TLR2: variants seen among roughly 807,000 people sequenced by gnomAD.
The protein encoded by TLR2 is toll like receptor 2.
TLR2 carries 7 observed loss-of-function variants against 9.1 expected under a neutral mutation model. That is an observed-to-expected ratio of 0.77 (90% CI 0.44 to 1.44). The LOEUF is 1.44. Among genes scored for constraint, TLR2 ranks in the 40% most tolerant of loss-of-function variants. TLR2 has a pLI of 0.01. For synonymous variants in TLR2, 317 were observed against 344.6 expected (o/e 0.92, Z 0.89); for missense variants, 812 against 904.6 (o/e 0.90, Z 1.31).
chr4:153,690,008 AAGGTTTC>A (rs1272806342), intron 2 of TLR2, among the ~76,000 whole-genome samples: 14 of 152,346 alleles, frequency 9.2e-5, no homozygotes, highest in Admixed American at 2.6e-4. Context: ...GGCTCATGAT[AAGGTTTC>A]AGGTGTCTTG....
chr4:153,701,226 G>C (rs1315766454), intron 2 of TLR2, among the ~76,000 whole-genome samples: 2 of 152,150 alleles, frequency 1.3e-5, no homozygotes, highest in Non-Finnish European at 2.9e-5. Flanking sequence ...TAAGAGGTGT[G>C]ACCTGTGGGA....
chr4:153,707,278 AT>A (rs1354050700), downstream of TLR2, among the ~76,000 whole-genome samples: 4 of 152,106 alleles, frequency 2.6e-5, no homozygotes, highest in African/African-American at 9.7e-5. Context: ...CTTAAAAAAA[AT>A]CAGGCTTGGT....
rs372207135 is a variant in TLR2 at position 153,684,809 on chromosome 4, C to T, written c.-163+449C>T. 1.6e-4 allele frequency among the ~76,000 whole-genome samples: 24 copies of T among 150,766 alleles called. No homozygotes were observed. The East Asian group carries it at 4.5e-3, about 28-fold the overall frequency. On this transcript the variant is annotated intron_variant, in intron 1 of 2. Coordinates refer to ENST00000642700, the MANE Select transcript of TLR2 (RefSeq NM_001318789.2). ...CTGGCCGCCACCTCCCTCGGGAGGC[C>T]GAGGGGGGCGGTGGCCCCGGCCCGG... is the stretch of plus-strand genomic sequence containing the variant.
intron 2 of TLR2, among the ~76,000 whole-genome samples, chr4:153,689,519 T>C (rs1156954815): frequency 6.6e-6 from 1 of 152,248 alleles, no homozygotes; most frequent in Non-Finnish European, 1.5e-5. Context: ...TGCAATGCAA[T>C]CTTCCCAAAC....
chr4:153,687,374 T>A (rs1323822185), intron 1 of TLR2, among the ~76,000 whole-genome samples: 1 of 152,162 alleles, frequency 6.6e-6, no homozygotes, highest in East Asian at 1.9e-4. Context: ...AGTCAGAAGT[T>A]GATTTTTTGA....
At chr4:153,691,415 T>A (rs1736106498) in intron 2 of TLR2, among the ~76,000 whole-genome samples, 2 of 152,208 alleles carry the variant, frequency 1.3e-5, no homozygotes, top group African/African-American at 4.8e-5. Flanking sequence ...CCATTTCTTA[T>A]CATCGTAGCC....
intron 2 of TLR2, among the ~76,000 whole-genome samples, chr4:153,693,307 C>T (rs1037294733): frequency 6.6e-6 from 1 of 152,182 alleles, no homozygotes; most frequent in African/African-American, 2.4e-5. Context: ...AAAAGGAGAA[C>T]CTGTTCCATA....
Position 153,694,201 on chromosome 4 carries a change from C to T in TLR2, c.-17+6154C>T, listed in dbSNP as rs190773356. Among the ~76,000 whole-genome samples, 96 of 152,346 alleles carry T rather than the reference C, an allele frequency of 6.3e-4. No homozygotes were observed. The Middle Eastern group carries it at 0.01, about 16-fold the overall frequency. On this transcript the variant is annotated intron_variant, in intron 2 of 2. Transcript: ENST00000642700. ...TGGCTAGATATCTGCAGCAGGAACA[C>T]GTCCTTAAGGCACAGATCGCTCATG...
chr4:153,692,428 G>A (rs912239296), intron 2 of TLR2, among the ~76,000 whole-genome samples: 7 of 152,142 alleles, frequency 4.6e-5, no homozygotes, highest in Admixed American at 3.9e-4. Flanking sequence ...AAAGCCTCCA[G>A]TTTCTCTTTA....
In TLR2 at chr4:153,702,557, C is replaced by T. The variant is rs74930520; in HGVS notation, c.-16-335C>T. Reference sequence around the variant, plus strand: ...TAAGCTTAGCCCATTTCTTAAAAGGCTTGATTGCTCATTCCTCCATTCATT... The same window carrying T: ...TAAGCTTAGCCCATTTCTTAAAAGGTTTGATTGCTCATTCCTCCATTCATT... On this transcript the variant is annotated intron_variant, in intron 2 of 2. Transcript: ENST00000642700. 3.9e-3 allele frequency: 813 copies of T among 208,848 alleles called. 8 individuals are homozygous for T. The highest frequency in any genetic ancestry group is 0.018 in the African/African-American group (777 of 43,634). 12.9% of individuals were successfully genotyped at this position (208,848 alleles called of 1,614,324 possible).
downstream of TLR2, chr4:153,710,311 T>G (rs1029104439): frequency 5.1e-5 from 70 of 1,359,546 alleles, no homozygotes; most frequent in Middle Eastern, 3.7e-4. Context: ...AAAATTAATA[T>G]TAAATGTTGG....
rs867024389 is a variant in TLR2 at position 153,705,221 on chromosome 4, G to A, written c.2314G>A (p.Glu772Lys). Residue 772 changes from glutamate (E) to lysine (K), a missense_variant, in exon 3 of 3, where the codon GAA (glutamate) becomes AAA (lysine). Transcript: ENST00000642700. ...GTGGCCCATGGACGAGGCTCAGCGG[G>A]AAGGATTTTGGGTAAATCTGAGAGC... ...LEWPMDEAQREGFWVNLRAAI... is the reference protein window; with the variant it reads ...LEWPMDEAQRKGFWVNLRAAI... 6.2e-7 allele frequency: 1 copy of A among 1,602,706 alleles called. No homozygotes were observed. Among genetic ancestry groups the A allele is most frequent in the Non-Finnish European group, 8.5e-7 (1 of 1,173,100 alleles).
Position 153,703,179 on chromosome 4 carries a change from T to C in TLR2, c.272T>C (p.Ile91Thr), listed in dbSNP as rs1211448447. The change falls in exon 3 of 3, where the codon ATA becomes ACA. Residue 91 changes from isoleucine (I) to threonine (T), a missense_variant. By Grantham distance (89) the Ile-to-Thr change is moderately conservative. Transcript: ENST00000642700. ...CTGACATCCAATGGAATTAACACAA[T>C]AGAGGAAGATTCTTTTTCTTCCCTG... ...LVLTSNGINT[I>T]EEDSFSSLGS... The C allele has an allele frequency of 2.5e-6, 4 of 1,614,226 alleles. No individual in the cohort carries two copies. Among genetic ancestry groups the C allele is most frequent in the Admixed American group, 1.7e-5 (1 of 60,028 alleles).
chr4:153,705,318 TAGTTA>T lies in TLR2; in HGVS notation c.*61_*65del. 2 of 1,479,788 alleles carry T rather than the reference TAGTTA, an allele frequency of 1.4e-6. No homozygotes were observed. Among genetic ancestry groups the T allele is most frequent in the Non-Finnish European group, 1.8e-6 (2 of 1,107,538 alleles). The allele number at this position is 1,479,788 out of a possible 1,614,324, so 91.7% of individuals were successfully genotyped here. A position where few individuals can be genotyped will look rare whatever the true frequency, so the allele number is the denominator to read the frequency against. On this transcript the variant is annotated 3_prime_UTR_variant, in exon 3 of 3. Transcript: ENST00000642700. Reference sequence around the variant, plus strand: ...GTTGGGATCTTTATGTCACTAGTTATAGTTAAGTTCATTCAGACATAATTATATAA... The same window carrying T: ...GTTGGGATCTTTATGTCACTAGTTATAGTTCATTCAGACATAATTATATAA...
At chr4:153,692,486 T>C (rs1736188858) in intron 2 of TLR2, among the ~76,000 whole-genome samples, 3 of 152,226 alleles carry the variant, frequency 2.0e-5, no homozygotes, top group African/African-American at 4.8e-5. Context: ...TTAACCATTT[T>C]AAAGGTATAT....
chr4:153,700,125 T>C (rs1353184326), intron 2 of TLR2, among the ~76,000 whole-genome samples: 4 of 152,044 alleles, frequency 2.6e-5, no homozygotes, highest in Admixed American at 2.6e-4. Context: ...AGACTCTTTT[T>C]AAATAACCTG....
rs1322058788 is a variant in TLR2 at position 153,704,810 on chromosome 4, C to T, written c.1903C>T (p.Pro635Ser). 2 of 1,613,806 alleles carry T rather than the reference C, an allele frequency of 1.2e-6. No individual in the cohort carries two copies. Among genetic ancestry groups the T allele is most frequent in the Non-Finnish European group, 1.7e-6 (2 of 1,179,994 alleles). The change falls in exon 3 of 3, where the codon CCC becomes TCC. Residue 635 changes from proline to serine, a missense_variant. Transcript: ENST00000642700. ...LQAKRKPRKA[P>S]SRNICYDAFV... The stretch of plus-strand genomic sequence containing the variant: ...GGCCAAAAGGAAGCCCAGGAAAGCT[C>T]CCAGCAGGAACATCTGCTATGATGC...
At chr4:153,693,754 C>T (rs1409877760) in intron 2 of TLR2, among the ~76,000 whole-genome samples, 1 of 152,290 alleles carries the variant, frequency 6.6e-6, no homozygotes. Context: ...TGAGCTAGAG[C>T]CCACACTTGC....
intron 2 of TLR2, chr4:153,701,974 G>A (rs1397418257): frequency 6.6e-6 from 1 of 152,082 alleles, no homozygotes; most frequent in Non-Finnish European, 1.5e-5. Context: ...TGTTCTTGGG[G>A]ATAAATTTTT....
Sources: allele counts gnomAD v4.1 joint callset (sites outside exome capture counted in the v4.1 genomes callset), GRCh38; gene constraint gnomAD v4.1.1; transcripts MANE v1.5; gene names NCBI Gene and HGNC (gene_info 2026-07-23, HGNC 2026-07-21).